The following PCDHGA9 variants were observed in gnomAD, a reference collection of about 807,000 sequenced individuals.
PCDHGA9 encodes protocadherin gamma-A9.
A neutral mutation model predicts 62.5 loss-of-function variants in PCDHGA9; 37 were observed. The ratio of observed to expected loss-of-function variants is 0.59; its 90% CI spans 0.46 to 0.78. The LOEUF is 0.78. Among genes scored for constraint, PCDHGA9 ranks in the 30% least tolerant of loss-of-function variants. The probability of loss-of-function intolerance (pLI) is 0.00; values close to 1 mark genes in which losing one functional copy is unlikely to be tolerated. For missense variants in PCDHGA9, 1,138 were observed against 1,166.2 expected (o/e 0.98, Z 0.35); for synonymous variants, 459 against 484.6 (o/e 0.95, Z 0.69).
chr5:141,462,009 G>A (rs2099028674), intron 1 of PCDHGA9, among the ~76,000 whole-genome samples: 1 of 152,190 alleles, frequency 6.6e-6, no homozygotes, highest in Admixed American at 6.5e-5. Context: ...TTTTAATAGA[G>A]ACGGGGTTTC....
In PCDHGA9 at chr5:141,419,702, G is replaced by A. The variant is rs116279995; in HGVS notation, c.2424+14326G>A. 1.9e-3 allele frequency: 3,028 copies of A among 1,612,950 alleles called. 48 individuals are homozygous for A. In the African/African-American group the frequency reaches 0.033, roughly 18 times the overall value. The stretch of plus-strand genomic sequence containing the variant: ...CCACGTGGTGCAGGCCAGTGAGCCC[G>A]GGCTCTTCAGCCTGGGGCTGCGAAC... On this transcript the variant is annotated intron_variant, in intron 1 of 3. Transcript: ENST00000573521.
chr5:141,409,328 T>A, intron 1 of PCDHGA9: 3 of 1,613,926 alleles, frequency 1.9e-6, no homozygotes, highest in Non-Finnish European at 2.5e-6. Context: ...GGATCTGGAT[T>A]TCGGAGGAAA....
chr5:141,486,707 C>A lies in PCDHGA9; in HGVS notation c.2425-8100C>A, dbSNP rs1314530265. On this transcript the variant is annotated intron_variant, in intron 1 of 3. Coordinates refer to ENST00000573521, the MANE Select transcript of PCDHGA9 (RefSeq NM_018921.3). The surrounding 1 kb of genome is among the most constrained non-coding windows in gnomAD (Gnocchi z 5.0). ...AGCTTCCTCTTTCATCTCTCTGAAC[C>A]CCCAGACAGGAGCTGTTCATGCTAC... 2 of 1,614,040 alleles carry A rather than the reference C, an allele frequency of 1.2e-6. No individual in the cohort carries two copies. The highest frequency in any genetic ancestry group is 1.7e-6 in the Non-Finnish European group (2 of 1,180,038).
chr5:141,418,105 G>A lies in PCDHGA9; in HGVS notation c.2424+12729G>A, dbSNP rs971913143. On this transcript the variant is annotated intron_variant, in intron 1 of 3. Transcript: ENST00000573521. ...ACTTCAGCGTAGACGCGCAGAGCGG[G>A]GACTTACTTGTGAAGGACCGAATAG... 5 of 1,614,062 alleles carry A rather than the reference G, an allele frequency of 3.1e-6. No homozygotes were observed. The East Asian group carries it at 8.9e-5, about 29-fold the overall frequency.
chr5:141,446,188 T>G (rs566309564), intron 1 of PCDHGA9, among the ~76,000 whole-genome samples: 28 of 152,326 alleles, frequency 1.8e-4, no homozygotes, highest in African/African-American at 6.3e-4. Context: ...TTTTGTTTAT[T>G]ATTATATTCC....
In PCDHGA9 at chr5:141,487,819, C is replaced by A; in HGVS notation, c.2425-6988C>A. 2.3e-6 allele frequency: 3 copies of A among 1,285,528 alleles called. No homozygotes were observed. Among genetic ancestry groups the A allele is most frequent in the Non-Finnish European group, 3.2e-6 (3 of 932,998 alleles). 79.6% of individuals were successfully genotyped at this position (1,285,528 alleles called of 1,614,324 possible). On this transcript the variant is annotated intron_variant, in intron 1 of 3. Transcript: ENST00000573521. This position sits in a 1 kb window ranked among gnomAD's most constrained non-coding sequence, Gnocchi z 5.0. ...AGTTGTCACAGTTTAGCATTGGGGG[C>A]GGGTCATGCCTATATCTGAGTAAGA...
intron 1 of PCDHGA9, among the ~76,000 whole-genome samples, chr5:141,435,885 C>T (rs2097784639): frequency 6.6e-6 from 1 of 152,088 alleles, no homozygotes; most frequent in Non-Finnish European, 1.5e-5. Context: ...TTGGAAACCC[C>T]TTAGAGAATG....
chr5:141,494,843 G>T lies in PCDHGA9; in HGVS notation c.2461G>T (p.Ala821Ser). The T allele has an allele frequency of 6.2e-7, 1 of 1,614,088 alleles. No individual in the cohort carries two copies. The highest frequency in any genetic ancestry group is 8.5e-7 in the Non-Finnish European group (1 of 1,180,006). ...PPNTDWRFSQ[A>S]QRPGTSGSQN... Reference sequence around the variant, plus strand: ...CAACACGGACTGGCGTTTCTCTCAGGCCCAGAGACCCGGCACCAGCGGGTA... The same window carrying T: ...CAACACGGACTGGCGTTTCTCTCAGTCCCAGAGACCCGGCACCAGCGGGTA... Residue 821 changes from alanine (A) to serine (S), a missense_variant, in exon 2 of 4, where the codon GCC becomes TCC. Transcript: ENST00000573521.
At position 141,432,117 on chromosome 5, in the gene PCDHGA9, C is replaced by G. The variant is rs761106133; in HGVS notation, c.2424+26741C>G. The G allele has an allele frequency of 6.2e-7, 1 of 1,614,062 alleles. No homozygotes were observed. The highest frequency in any genetic ancestry group is 8.5e-7 in the Non-Finnish European group (1 of 1,180,048). ...ACCAACGACAACCCGCCGGTCTTCC[C>G]TCAGGCCTCCTATTCCGCTTATATC... is the stretch of plus-strand genomic sequence containing the variant. On this transcript the variant is annotated intron_variant, in intron 1 of 3. Transcript: ENST00000573521. The surrounding 1 kb of genome is among the most constrained non-coding windows in gnomAD (Gnocchi z 6.0).
At chr5:141,471,963 T>C (rs2024084) in intron 1 of PCDHGA9, among the ~76,000 whole-genome samples, 27,680 of 152,068 alleles carry the variant, frequency 0.18, 3,629 homozygotes, top group African/African-American at 0.37. Context: ...GTGGGGTTGG[T>C]TGCATTACTG....
Position 141,489,216 on chromosome 5 carries a change from C to G in PCDHGA9, c.2425-5591C>G. The G allele has an allele frequency of 6.7e-7, 1 of 1,486,698 alleles. No individual in the cohort carries two copies. Among genetic ancestry groups the G allele is most frequent in the Non-Finnish European group, 9.1e-7 (1 of 1,103,260 alleles). 92.1% of individuals were successfully genotyped at this position (1,486,698 alleles called of 1,614,324 possible). ...TTGGAGACAGGACAGCACAGACTTA[C>G]TCTCCACAAAGGGACTTCTGGGTCA... On this transcript the variant is annotated intron_variant, in intron 1 of 3. Transcript: ENST00000573521. This position sits in a 1 kb window ranked among gnomAD's most constrained non-coding sequence, Gnocchi z 4.5.
At chr5:141,478,467 G>T (rs2099457769) in intron 1 of PCDHGA9, 1 of 1,613,656 alleles carries the variant, frequency 6.2e-7, no homozygotes, top group South Asian at 1.1e-5. Flanking sequence ...CCACTGGCCA[G>T]CCGCCAGAAC....
rs370062374 is a variant in PCDHGA9, at chr5:141,404,855, A to G, written c.1903A>G (p.Arg635Gly). The part of the protein sequence containing the change: ...EVRTARALLD[R>G]DALKQSLVVA... ...GCGCACAGCTCGGGCCCTGCTAGAT[A>G]GAGATGCGCTCAAACAGAGCCTTGT... is the stretch of plus-strand genomic sequence containing the variant. Residue 635 changes from arginine (R) to glycine (G), a missense_variant, in exon 1 of 4, where the codon AGA becomes GGA. By Grantham distance (125) the Arg-to-Gly change is moderately radical. Coordinates refer to ENST00000573521, the MANE Select transcript of PCDHGA9 (RefSeq NM_018921.3). The G allele has an allele frequency of 8.1e-6, 13 of 1,613,704 alleles. No homozygotes were observed. The highest frequency in any genetic ancestry group is 2.7e-5 in the African/African-American group (2 of 74,882).
intron 1 of PCDHGA9, chr5:141,411,225 GC>G (rs1253575140): frequency 1.3e-5 from 2 of 152,092 alleles, no homozygotes; most frequent in African/African-American, 4.8e-5. Flanking sequence ...ATTCAAATTT[GC>G]GAAGACTTAG....
chr5:141,412,952 T>C, intron 1 of PCDHGA9: 1 of 482,218 alleles, frequency 2.1e-6, no homozygotes, highest in Non-Finnish European at 3.6e-6. Context: ...AGCGCCGCTG[T>C]TCACCTACTA....
chr5:141,489,999 G>C lies in PCDHGA9; in HGVS notation c.2425-4808G>C, dbSNP rs772783990. Reference sequence around the variant, plus strand: ...CAGTTCTACGTGTGGGAATCCCAGAGAATGCACCCATTGGTACTCTGCTGC... The same window carrying C: ...CAGTTCTACGTGTGGGAATCCCAGACAATGCACCCATTGGTACTCTGCTGC... On this transcript the variant is annotated intron_variant, in intron 1 of 3. Coordinates refer to ENST00000573521, the MANE Select transcript of PCDHGA9 (RefSeq NM_018921.3). This position sits in a 1 kb window ranked among gnomAD's most constrained non-coding sequence, Gnocchi z 4.5. 6.2e-7 allele frequency: 1 copy of C among 1,614,242 alleles called. No individual in the cohort carries two copies. Among genetic ancestry groups the C allele is most frequent in the East Asian group, 2.2e-5 (1 of 44,886 alleles).
chr5:141,432,016 C>G lies in PCDHGA9; in HGVS notation c.2424+26640C>G. 1 of 1,614,202 alleles carries G rather than the reference C, an allele frequency of 6.2e-7. No individual in the cohort carries two copies. The highest frequency in any genetic ancestry group is 1.1e-5 in the South Asian group (1 of 91,082). ...ATAGGGAACAGGTTCCTAGCTACAACATCACAGTGACCGCCACTGACCGGG... is the reference window on the plus strand; with the variant it reads ...ATAGGGAACAGGTTCCTAGCTACAAGATCACAGTGACCGCCACTGACCGGG... On this transcript the variant is annotated intron_variant, in intron 1 of 3. Coordinates refer to ENST00000573521, the MANE Select transcript of PCDHGA9 (RefSeq NM_018921.3). The surrounding 1 kb of genome is among the most constrained non-coding windows in gnomAD (Gnocchi z 6.0).
At chr5:141,439,472 A>G (rs1185561573) in intron 1 of PCDHGA9, among the ~76,000 whole-genome samples, 3 of 152,228 alleles carry the variant, frequency 2.0e-5, no homozygotes, top group Non-Finnish European at 4.4e-5. Flanking sequence ...GCTGCCTTTC[A>G]GCTTGCAAAT....
At chr5:141,448,862 G>A (rs1406203589) in intron 1 of PCDHGA9, among the ~76,000 whole-genome samples, 2 of 151,996 alleles carry the variant, frequency 1.3e-5, no homozygotes, top group African/African-American at 2.4e-5. Context: ...GGAGAATGGC[G>A]TGAACCTGGG....
Sources: allele counts gnomAD v4.1 joint callset (sites outside exome capture counted in the v4.1 genomes callset), GRCh38; gene constraint gnomAD v4.1.1; non-coding constraint Gnocchi (gnomAD v3.1); transcripts MANE v1.5; gene names NCBI Gene and HGNC (gene_info 2026-07-23, HGNC 2026-07-21).